Variants in PDZRN4 observed in about 807,000 individuals in gnomAD.
The protein encoded by PDZRN4 is PDZ domain containing ring finger 4.
In PDZRN4, 70 loss-of-function variants were observed where a neutral mutation model predicts 99.0. The ratio of observed to expected loss-of-function variants is 0.71; its 90% CI spans 0.58 to 0.86. The LOEUF is 0.86. PDZRN4 is among the 40% of genes least tolerant of loss of function. The pLI is 0.00. For synonymous variants in PDZRN4, 551 were observed against 501.6 expected (o/e 1.10, Z -1.32); for missense variants, 1,474 against 1,331.2 (o/e 1.11, Z -1.67).
intron 3 of PDZRN4, among the ~76,000 whole-genome samples, chr12:41,253,520 G>A (rs983587784): frequency 3.9e-5 from 6 of 152,072 alleles, no homozygotes; most frequent in African/African-American, 1.4e-4. Context: ...GGAGAAAGGG[G>A]AACCCCCATT....
Position 41,472,003 on chromosome 12 carries a change from CT to C in PDZRN4, c.844-34438del, listed in dbSNP as rs71081744. 0.01 allele frequency among the ~76,000 whole-genome samples: 1,468 copies of C among 140,106 alleles called. 38 individuals are homozygous for C. The East Asian group carries it at 0.13, about 12-fold the overall frequency. The allele number at this position is 140,106 out of a possible 152,430, so 91.9% of individuals were successfully genotyped here. Reference sequence around the variant, plus strand: ...TTAATAACAATATTATTCTATATTACTTTTTTTTTTTTTTTGAGACAGGAGT... The same window carrying C: ...TTAATAACAATATTATTCTATATTACTTTTTTTTTTTTTTGAGACAGGAGT... On this transcript the variant is annotated intron_variant, in intron 3 of 9. Transcript: ENST00000402685.
At chr12:41,216,734 A>C (rs2120713278) in intron 3 of PDZRN4, among the ~76,000 whole-genome samples, 1 of 152,182 alleles carries the variant, frequency 6.6e-6, no homozygotes, top group South Asian at 2.1e-4. Flanking sequence ...TTATTTGATT[A>C]ATCATCTGAT....
At chr12:41,417,170 C>T (rs550563337) in intron 3 of PDZRN4, among the ~76,000 whole-genome samples, 13 of 152,210 alleles carry the variant, frequency 8.5e-5, no homozygotes, top group Non-Finnish European at 1.3e-4. Context: ...TCTAAAGAAA[C>T]ACATCTTTAG....
chr12:41,557,550 C>T (rs1181909247), intron 7 of PDZRN4, among the ~76,000 whole-genome samples: 3 of 152,192 alleles, frequency 2.0e-5, no homozygotes, highest in Non-Finnish European at 2.9e-5. Flanking sequence ...CATGGTAACA[C>T]TCTGCCTGCG....
intron 3 of PDZRN4, among the ~76,000 whole-genome samples, chr12:41,383,138 C>A (rs565913438): frequency 6.6e-6 from 1 of 152,256 alleles, no homozygotes; most frequent in South Asian, 2.1e-4. Context: ...TTGTGTGAGG[C>A]CAGTGAAATA....
intron 3 of PDZRN4, among the ~76,000 whole-genome samples, chr12:41,448,348 C>T (rs866074668): frequency 6.6e-6 from 1 of 152,150 alleles, no homozygotes; most frequent in Non-Finnish European, 1.5e-5. Flanking sequence ...TCCTTCCTCA[C>T]CCCTATTCTG....
At chr12:41,522,193 T>C (rs1288840591) in intron 5 of PDZRN4, among the ~76,000 whole-genome samples, 2 of 152,142 alleles carry the variant, frequency 1.3e-5, no homozygotes, top group African/African-American at 2.4e-5. Flanking sequence ...ATTCCCTGTG[T>C]GGAGACATCA....
At chr12:41,294,702 A>G (rs571177003) in intron 3 of PDZRN4, among the ~76,000 whole-genome samples, 1 of 152,176 alleles carries the variant, frequency 6.6e-6, no homozygotes, top group South Asian at 2.1e-4. Context: ...AAATACTTAG[A>G]AATTAAGGCA....
At chr12:41,267,674 CAAA>C (rs5797720) in intron 3 of PDZRN4, among the ~76,000 whole-genome samples, 6,668 of 139,112 alleles carry the variant, frequency 0.048, 510 homozygotes, top group African/African-American at 0.17. Flanking sequence ...ACTAAAAATA[CAAA>C]AAAAAAAAAA....
intron 5 of PDZRN4, among the ~76,000 whole-genome samples, chr12:41,537,018 A>G (rs1938760223): frequency 6.6e-6 from 1 of 152,146 alleles, no homozygotes; most frequent in African/African-American, 2.4e-5. Context: ...TTTTCCACAA[A>G]AAGACTCTTA....
chr12:41,570,132 G>T (rs771429608), intron 9 of PDZRN4, among the ~76,000 whole-genome samples: 1 of 152,126 alleles, frequency 6.6e-6, no homozygotes, highest in African/African-American at 2.4e-5. Flanking sequence ...GTTAGGTCTC[G>T]TGAGGTAACA....
intron 5 of PDZRN4, among the ~76,000 whole-genome samples, chr12:41,531,718 C>T (rs757134669): frequency 1.2e-4 from 18 of 152,152 alleles, no homozygotes; most frequent in African/African-American, 1.7e-4. Flanking sequence ...ACAGCACTTC[C>T]GCATCACTTC....
intron 3 of PDZRN4, among the ~76,000 whole-genome samples, chr12:41,225,208 C>T (rs1950984966): frequency 1.3e-5 from 2 of 151,866 alleles, no homozygotes; most frequent in South Asian, 4.2e-4. Context: ...TTTTTTACTG[C>T]CAGAATTTGC....
intron 3 of PDZRN4, among the ~76,000 whole-genome samples, chr12:41,280,488 G>C (rs530890414): frequency 1.1e-4 from 17 of 152,220 alleles, no homozygotes; most frequent in Non-Finnish European, 2.4e-4. Context: ...TGCCAGCACA[G>C]CAGTCTGAAG....
At chr12:41,196,165 C>G (rs1591963332) in intron 3 of PDZRN4, among the ~76,000 whole-genome samples, 1 of 151,968 alleles carries the variant, frequency 6.6e-6, no homozygotes. Context: ...TAGACACCTA[C>G]ATAGTACTGT....
intron 3 of PDZRN4, among the ~76,000 whole-genome samples, chr12:41,253,938 C>T (rs1951187440): frequency 6.6e-6 from 1 of 151,608 alleles, no homozygotes; most frequent in African/African-American, 2.4e-5. Flanking sequence ...TAAAAGTGGA[C>T]CTCATGAAGA....
intron 3 of PDZRN4, among the ~76,000 whole-genome samples, chr12:41,443,313 TA>T (rs1952697176): frequency 6.6e-6 from 1 of 151,986 alleles, no homozygotes; most frequent in African/African-American, 2.4e-5. Flanking sequence ...GAGGAGAAAC[TA>T]AAATGATGAA....
At chr12:41,426,227 G>T (rs1343913076) in intron 3 of PDZRN4, among the ~76,000 whole-genome samples, 1 of 152,170 alleles carries the variant, frequency 6.6e-6, no homozygotes, top group African/African-American at 2.4e-5. Flanking sequence ...GTCACCAACA[G>T]CTGGGCCAAT....
At chr12:41,313,260 C>T (rs1258092564) in intron 3 of PDZRN4, among the ~76,000 whole-genome samples, 1 of 152,190 alleles carries the variant, frequency 6.6e-6, no homozygotes, top group African/African-American at 2.4e-5. Context: ...CACCATCCTT[C>T]ATCTGTTACA....
Sources: gnomAD v4.1 joint callset for allele counts (sites outside exome capture counted in the v4.1 genomes callset) on GRCh38, gnomAD v4.1.1 for gene constraint, MANE v1.5 for transcripts, NCBI Gene and HGNC (gene_info 2026-07-23, HGNC 2026-07-21) for gene names.